The following IQCM variants were observed in gnomAD, a reference collection of about 807,000 sequenced individuals.
The protein encoded by IQCM is IQ motif containing M.
In IQCM, 45 loss-of-function variants were observed where a neutral mutation model predicts 57.6. That is an observed-to-expected ratio of 0.78 (90% CI 0.62 to 1.00). IQCM has a LOEUF of 1.00. Ranked by LOEUF, IQCM falls within the 50% of genes least tolerant of loss-of-function variation. The pLI is 0.00. For missense variants in IQCM, 468 were observed against 511.6 expected (o/e 0.91, Z 0.82); for synonymous variants, 148 against 158.9 (o/e 0.93, Z 0.51).
chr4:149,698,095 G>T (rs1763473864), intron 5 of IQCM, among the ~76,000 whole-genome samples: 1 of 151,890 alleles, frequency 6.6e-6, no homozygotes, highest in Admixed American at 6.6e-5. Context: ...TGAATACTTT[G>T]TACTTCATTA....
At chr4:149,714,615 G>C (rs1764841984) in intron 5 of IQCM, among the ~76,000 whole-genome samples, 3 of 152,110 alleles carry the variant, frequency 2.0e-5, no homozygotes, top group Non-Finnish European at 4.4e-5. Flanking sequence ...TACCATGTTT[G>C]TTCCTATACA....
At chr4:149,496,234 A>G (rs1742646888) in intron 12 of IQCM, among the ~76,000 whole-genome samples, 1 of 152,154 alleles carries the variant, frequency 6.6e-6, no homozygotes, top group South Asian at 2.1e-4. Flanking sequence ...ATTCTCATTT[A>G]TACTTAATAT....
intron 8 of IQCM, among the ~76,000 whole-genome samples, chr4:149,600,651 G>A (rs1467025893): frequency 6.6e-6 from 1 of 152,136 alleles, no homozygotes; most frequent in Non-Finnish European, 1.5e-5. Flanking sequence ...TGGGGTCAAA[G>A]GCTGCCCTAG....
chr4:149,359,388 C>T (rs1031614714), intron 13 of IQCM, among the ~76,000 whole-genome samples: 1 of 151,820 alleles, frequency 6.6e-6, no homozygotes, highest in Non-Finnish European at 1.5e-5. Context: ...ATAATTTAGC[C>T]TTATATTTTT....
At chr4:149,492,822 G>A (rs903367307) in intron 12 of IQCM, among the ~76,000 whole-genome samples, 1 of 152,022 alleles carries the variant, frequency 6.6e-6, no homozygotes, top group African/African-American at 2.4e-5. Flanking sequence ...CTTTATGATA[G>A]AAACACTTGG....
At chr4:149,599,573 C>T (rs1754083755) in intron 8 of IQCM, among the ~76,000 whole-genome samples, 1 of 151,786 alleles carries the variant, frequency 6.6e-6, no homozygotes, top group Admixed American at 6.6e-5. Flanking sequence ...CATATATATA[C>T]TCTTAAATGA....
intron 5 of IQCM, among the ~76,000 whole-genome samples, chr4:149,730,256 T>C (rs1417441848): frequency 1.3e-5 from 2 of 152,194 alleles, no homozygotes; most frequent in Non-Finnish European, 2.9e-5. Context: ...CTAATGTGTG[T>C]AAAATCTCTC....
chr4:149,378,849 C>A (rs1266402118), intron 13 of IQCM, among the ~76,000 whole-genome samples: 1 of 152,148 alleles, frequency 6.6e-6, no homozygotes, highest in African/African-American at 2.4e-5. Context: ...ATATCAGAGA[C>A]CTTTACAACA....
chr4:149,734,554 G>A (rs1485060691), intron 4 of IQCM, among the ~76,000 whole-genome samples: 1 of 152,112 alleles, frequency 6.6e-6, no homozygotes, highest in Non-Finnish European at 1.5e-5. Flanking sequence ...CCATCTGCAA[G>A]AAATATTGAA....
intron 13 of IQCM, among the ~76,000 whole-genome samples, chr4:149,418,606 C>G (rs1377864340): frequency 1.3e-5 from 2 of 152,140 alleles, no homozygotes; most frequent in Non-Finnish European, 2.9e-5. Context: ...CAGCATCATC[C>G]TGATACCAAA....
At chr4:149,640,674 T>C (rs1279230713) in intron 7 of IQCM, among the ~76,000 whole-genome samples, 1 of 152,238 alleles carries the variant, frequency 6.6e-6, no homozygotes, top group African/African-American at 2.4e-5. Flanking sequence ...CTTCAGTTTT[T>C]CTAAAGAAGT....
At chr4:149,561,214 T>C (rs1027413337) in intron 10 of IQCM, among the ~76,000 whole-genome samples, 2 of 152,214 alleles carry the variant, frequency 1.3e-5, no homozygotes, top group Non-Finnish European at 2.9e-5. Flanking sequence ...TATCTCCGTA[T>C]AGAAATTCAG....
At chr4:149,468,336 C>T (rs143462286) in intron 12 of IQCM, among the ~76,000 whole-genome samples, 3,497 of 152,308 alleles carry the variant, frequency 0.023, 117 homozygotes, top group African/African-American at 0.079. Flanking sequence ...ATATCCCGCG[C>T]ATAGCTCAGA....
At chr4:149,632,182 C>T (rs1257993336) in intron 7 of IQCM, among the ~76,000 whole-genome samples, 1 of 152,170 alleles carries the variant, frequency 6.6e-6, no homozygotes, top group Non-Finnish European at 1.5e-5. Flanking sequence ...GATATCTTCA[C>T]ATATAAGCTC....
intron 12 of IQCM, among the ~76,000 whole-genome samples, chr4:149,460,127 G>T (rs1738118717): frequency 6.6e-6 from 1 of 152,122 alleles, no homozygotes; most frequent in South Asian, 2.1e-4. Flanking sequence ...TGTGTATGAA[G>T]TGGTATCTCA....
chr4:149,805,423 C>T (rs890490375), intron 2 of IQCM, among the ~76,000 whole-genome samples: 1 of 151,926 alleles, frequency 6.6e-6, no homozygotes, highest in Non-Finnish European at 1.5e-5. Flanking sequence ...CGACATTTTC[C>T]ATCCTTTGGG....
intron 5 of IQCM, among the ~76,000 whole-genome samples, chr4:149,692,679 A>G (rs1176466704): frequency 6.6e-6 from 1 of 152,190 alleles, no homozygotes; most frequent in Non-Finnish European, 1.5e-5. Flanking sequence ...ATTAAAACAT[A>G]TGAAAATCTA....
intron 2 of IQCM, among the ~76,000 whole-genome samples, chr4:149,788,666 G>A (rs1331874369): frequency 1.3e-5 from 2 of 152,126 alleles, no homozygotes; most frequent in Admixed American, 6.6e-5. Context: ...AGGAAATGAA[G>A]TAAGTATATC....
intron 5 of IQCM, among the ~76,000 whole-genome samples, chr4:149,726,319 A>G (rs1765941391): frequency 6.6e-6 from 1 of 152,156 alleles, no homozygotes; most frequent in Non-Finnish European, 1.5e-5. Flanking sequence ...AATTGAAGTA[A>G]TCTCACCACC....
Sources: gnomAD v4.1 joint callset for allele counts (sites outside exome capture counted in the v4.1 genomes callset) on GRCh38, gnomAD v4.1.1 for gene constraint, MANE v1.5 for transcripts, NCBI Gene and HGNC (gene_info 2026-07-23, HGNC 2026-07-21) for gene names.